Variants in CFAP92 observed in about 807,000 individuals in gnomAD.
The protein encoded by CFAP92 is uncharacterized protein CFAP92.
CFAP92 carries 86 observed loss-of-function variants against 106.3 expected under a neutral mutation model. The observed-to-expected ratio is 0.81, with a 90% confidence interval of 0.68 to 0.97. The LOEUF (loss-of-function observed/expected upper bound fraction) is 0.97, where lower values mean the gene tolerates loss of function less well. Ranked by LOEUF, CFAP92 falls within the 50% of genes least tolerant of loss-of-function variation. The pLI is 0.00. For missense variants in CFAP92, 1,204 were observed against 1,283.8 expected, an observed-to-expected ratio of 0.94 and a Z score of 0.95; for synonymous variants, 477 against 506.4, an observed-to-expected ratio of 0.94 and a Z score of 0.78.
chr3:129,014,017 G>A, the CFAP92 span, among the ~76,000 whole-genome samples: 2 of 152,184 alleles, frequency 1.3e-5, no homozygotes, highest in Non-Finnish European at 2.9e-5. The surrounding 1 kb of genome is among the most constrained non-coding windows in gnomAD (Gnocchi z 4.3). Context: ...GAAGCCTGGA[G>A]CCACCCAAAG....
At chr3:128,961,673 C>G (rs910291359) in intron 9 of CFAP92, among the ~76,000 whole-genome samples, 1 of 152,196 alleles carries the variant, frequency 6.6e-6, no homozygotes, top group African/African-American at 2.4e-5. Context: ...TGGCAGCAAC[C>G]CTGAGACGCT....
chr3:129,003,986 C>A (rs1201714343), upstream of CFAP92: 2 of 1,497,728 alleles, frequency 1.3e-6, no homozygotes, highest in African/African-American at 1.5e-5. Context: ...GCGCAGCCTG[C>A]ACCGCGTGCG....
chr3:128,970,369 G>C (rs1022088509), intron 8 of CFAP92: 1 of 152,178 alleles, frequency 6.6e-6, no homozygotes, highest in African/African-American at 2.4e-5. Context: ...TCTGACTTAC[G>C]GGGTTTTTGC....
At chr3:128,993,439 T>C (rs1017261241) in intron 1 of CFAP92, 103 bp from the exon 2 acceptor site, 2 of 1,233,924 alleles carry the variant, frequency 1.6e-6, no homozygotes, top group Non-Finnish European at 1.1e-6. Flanking sequence ...CTTCCCTGCT[T>C]CCCCCGCCTG....
chr3:128,942,384 C>A (rs910025314), intron 10 of CFAP92, among the ~76,000 whole-genome samples: 1 of 152,184 alleles, frequency 6.6e-6, no homozygotes, highest in Admixed American at 6.5e-5. Flanking sequence ...CCAGCCCTGG[C>A]GGCCACAGTT....
At chr3:129,002,124 C>G (rs1344347252) in intron 1 of CFAP92, 3 of 1,476,690 alleles carry the variant, frequency 2.0e-6, no homozygotes, top group African/African-American at 1.5e-5. Flanking sequence ...CCGCGGCGCT[C>G]TCAGCGAGCA....
At chr3:128,974,039 G>A (rs539665062) in intron 7 of CFAP92, among the ~76,000 whole-genome samples, 49 of 152,274 alleles carry the variant, frequency 3.2e-4, no homozygotes, top group East Asian at 5.8e-4. Context: ...CTTTTAATCC[G>A]GAAAAGACAA....
intron 1 of CFAP92, among the ~76,000 whole-genome samples, chr3:129,001,308 G>T (rs895200881): frequency 2.2e-4 from 33 of 152,300 alleles, no homozygotes; most frequent in African/African-American, 7.2e-4. Flanking sequence ...AAGCGCAGAC[G>T]CCAGGAACGC....
chr3:128,995,372 G>A (rs1944441171), upstream of CFAP92, among the ~76,000 whole-genome samples: 1 of 152,160 alleles, frequency 6.6e-6, no homozygotes, highest in East Asian at 1.9e-4. Flanking sequence ...GGCCCTGTGA[G>A]GAGTGGGTTC....
At position 128,945,202 on chromosome 3, in the gene CFAP92, C is replaced by G; in HGVS notation, c.2127G>C (p.Val709=). Residue 709 remains valine, a synonymous_variant, in exon 10 of 16, where the codon GTG becomes GTC. Transcript: ENST00000645291. ...QQILSAFKVR[V]RVQEQQHLDV... ...CCAGGTGCTGCTGCTCCTGGACCCG[C>G]ACACGCACCTTGAAGGCTGACAGGA... 12 of 1,536,208 alleles carry G rather than the reference C, an allele frequency of 7.8e-6. No individual in the cohort carries two copies. The Admixed American group carries it at 7.8e-5, about 10-fold the overall frequency.
At chr3:128,944,508 G>T (rs1158607118) in intron 10 of CFAP92, among the ~76,000 whole-genome samples, 1 of 152,136 alleles carries the variant, frequency 6.6e-6, no homozygotes, top group Admixed American at 6.5e-5. Context: ...CAGACTAAAG[G>T]ACGGAGATCC....
At chr3:128,979,446 GTA>G (rs1335793042) in intron 4 of CFAP92, among the ~76,000 whole-genome samples, 1 of 152,164 alleles carries the variant, frequency 6.6e-6, no homozygotes, top group Non-Finnish European at 1.5e-5. Context: ...CCATTACTGG[GTA>G]TATACCCAAA....
chr3:128,988,648 T>C (rs1011464225), intron 3 of CFAP92, 80 bp downstream of exon 3: 1 of 1,399,868 alleles, frequency 7.1e-7, no homozygotes, highest in East Asian at 2.3e-5. Flanking sequence ...GTGGAGCTGA[T>C]GTTGCATATC....
At chr3:129,001,713 T>G (rs771224733) in intron 1 of CFAP92, 75 of 1,512,380 alleles carry the variant, frequency 5.0e-5, no homozygotes, top group Non-Finnish European at 1.2e-5. Context: ...GCGCACGCAG[T>G]GGCTGCTGAG....
At position 128,971,327 on chromosome 3, in the gene CFAP92, G is replaced by A. The variant is rs753212116; in HGVS notation, c.1128C>T (p.Ser376=). Reference sequence around the variant, plus strand: ...TGACGGCCAGCTGGATGGAGAAAGCGCTCTGCTTCCTGGGGCCTGTCAGCG... The same window carrying A: ...TGACGGCCAGCTGGATGGAGAAAGCACTCTGCTTCCTGGGGCCTGTCAGCG... ...DPTLTGPRKQ[S]AFSIQLAVMP... The change falls in exon 8 of 16, where the codon AGC becomes AGT. Residue 376 remains serine (S), a synonymous_variant. Transcript: ENST00000645291. The A allele has an allele frequency of 8.7e-6, 14 of 1,613,488 alleles. No individual in the cohort carries two copies. The highest frequency in any genetic ancestry group is 3.3e-5 in the South Asian group (3 of 90,972).
intron 8 of CFAP92, 137 bp from the exon 9 acceptor site, chr3:128,965,832 A>G: frequency 2.5e-6 from 1 of 394,118 alleles, no homozygotes; most frequent in East Asian, 3.6e-5. Flanking sequence ...AAAAAAAAAG[A>G]AAAGAAAGAA....
the CFAP92 span, among the ~76,000 whole-genome samples, chr3:129,011,067 G>A: frequency 1.3e-5 from 2 of 152,186 alleles, no homozygotes; most frequent in Admixed American, 6.5e-5. Flanking sequence ...TGTGATGGGG[G>A]AGGCAGCGTG....
At chr3:128,965,019 C>T (rs1305117206) in intron 9 of CFAP92, among the ~76,000 whole-genome samples, 1 of 152,254 alleles carries the variant, frequency 6.6e-6, no homozygotes, top group Non-Finnish European at 1.5e-5. Flanking sequence ...ACGTATACAT[C>T]CAGATGGCCT....
chr3:128,953,598 T>G (rs1260867303), intron 9 of CFAP92, among the ~76,000 whole-genome samples: 1 of 72,024 alleles, frequency 1.4e-5, no homozygotes, highest in African/African-American at 7.3e-5. Flanking sequence ...TCCCTCTCCC[T>G]CCCCCTCTCC....
Sources: allele counts gnomAD v4.1 joint callset (sites outside exome capture counted in the v4.1 genomes callset), GRCh38; gene constraint gnomAD v4.1.1; non-coding constraint Gnocchi (gnomAD v3.1); transcripts MANE v1.5; gene names NCBI Gene and HGNC (gene_info 2026-07-23, HGNC 2026-07-21).